The following RBPJ variants were observed in gnomAD, a reference collection of about 807,000 sequenced individuals.
RBPJ encodes the protein recombining binding protein suppressor of hairless.
Under a neutral mutation model 67.8 loss-of-function variants are expected in RBPJ, and 9 were observed. The observed-to-expected ratio is 0.13, with a 90% CI of 0.08 to 0.23. The LOEUF is 0.23. RBPJ is among the 10% of genes least tolerant of loss of function. The pLI is 1.00. For synonymous variants in RBPJ, 198 were observed against 203.3 expected (o/e 0.97, Z 0.22); for missense variants, 305 against 595.6 (o/e 0.51, Z 5.08).
chr4:26,387,004 A>ATATATG (rs1730983000), intron 2 of RBPJ, among the ~76,000 whole-genome samples: 1 of 152,084 alleles, frequency 6.6e-6, no homozygotes, highest in Admixed American at 6.5e-5. Context: ...AGATATATAT[A>ATATATG]TATATGTATA....
chr4:26,374,507 G>C (rs894751642), intron 1 of RBPJ, among the ~76,000 whole-genome samples: 1 of 148,282 alleles, frequency 6.7e-6, no homozygotes. Flanking sequence ...ATGGAATCTC[G>C]CTCTGTCACC....
At chr4:26,330,666 T>C (rs771354638) in intron 1 of RBPJ, among the ~76,000 whole-genome samples, 12 of 152,218 alleles carry the variant, frequency 7.9e-5, no homozygotes, top group Non-Finnish European at 1.6e-4. Flanking sequence ...CATCTCTCAA[T>C]GTGCTTAAAG....
upstream of RBPJ, among the ~76,000 whole-genome samples, chr4:26,320,360 G>A (rs1275275843): frequency 6.6e-6 from 1 of 152,162 alleles, no homozygotes; most frequent in South Asian, 2.1e-4. Context: ...TTCCGCTTGA[G>A]GAGCTCTGGA....
intron 4 of RBPJ, among the ~76,000 whole-genome samples, chr4:26,417,286 G>A (rs528401061): frequency 6.6e-6 from 1 of 152,330 alleles, no homozygotes; most frequent in Non-Finnish European, 1.5e-5. Context: ...CCAACCAGTA[G>A]TATCACTGCT....
intron 1 of RBPJ, among the ~76,000 whole-genome samples, chr4:26,244,336 T>C (rs1719816307): frequency 2.0e-5 from 3 of 151,812 alleles, no homozygotes; most frequent in Non-Finnish European, 2.9e-5. Context: ...CACATATGTG[T>C]ACACATATGT....
the RBPJ span, among the ~76,000 whole-genome samples, chr4:26,156,629 AT>A: frequency 5.5e-5 from 4 of 72,958 alleles, no homozygotes; most frequent in African/African-American, 1.2e-4. Flanking sequence ...CAATTTTTGT[AT>A]TTTTAGTAGA....
upstream of RBPJ, among the ~76,000 whole-genome samples, chr4:26,314,714 T>C (rs1274003790): frequency 6.6e-6 from 1 of 152,148 alleles, no homozygotes; most frequent in Non-Finnish European, 1.5e-5. Context: ...ATGCTTCCTG[T>C]ACAGTCTGCG....
intron 1 of RBPJ, among the ~76,000 whole-genome samples, chr4:26,370,091 G>T (rs900580094): frequency 9.2e-5 from 14 of 152,208 alleles, no homozygotes; most frequent in African/African-American, 3.4e-4. Context: ...GTCCAAAAAG[G>T]AGAGAGCTGA....
chr4:26,259,488 T>C (rs527321159), intron 1 of RBPJ, among the ~76,000 whole-genome samples: 2 of 152,326 alleles, frequency 1.3e-5, no homozygotes, highest in East Asian at 3.9e-4. Context: ...TGATTGTGCT[T>C]TGTCTTCAGG....
chr4:26,304,802 T>C (rs921372971), intron 1 of RBPJ, among the ~76,000 whole-genome samples: 30 of 151,626 alleles, frequency 2.0e-4, no homozygotes, highest in Non-Finnish European at 4.3e-4. Context: ...TTTTTTTTTT[T>C]ACTTTCTTGA....
upstream of RBPJ, chr4:26,320,019 G>T (rs1270773606): frequency 1.2e-5 from 9 of 754,194 alleles, no homozygotes; most frequent in Non-Finnish European, 1.7e-5. Context: ...GTCCTCGGCT[G>T]TGCCAGGCCC....
intron 1 of RBPJ, among the ~76,000 whole-genome samples, chr4:26,259,972 A>G (rs994446531): frequency 1.3e-5 from 2 of 152,166 alleles, no homozygotes; most frequent in African/African-American, 4.8e-5. Flanking sequence ...TTCTTGCTTC[A>G]ATCTTAGCAG....
intron 1 of RBPJ, among the ~76,000 whole-genome samples, chr4:26,305,228 G>A (rs948877535): frequency 5.9e-5 from 9 of 152,148 alleles, no homozygotes; most frequent in African/African-American, 2.2e-4. Context: ...ACACAGTCTT[G>A]ATTACTGTAG....
intron 1 of RBPJ, among the ~76,000 whole-genome samples, chr4:26,204,384 G>A (rs1718095898): frequency 6.6e-6 from 1 of 152,162 alleles, no homozygotes; most frequent in African/African-American, 2.4e-5. Flanking sequence ...AGGACATACT[G>A]AGTCTGCTCA....
intron 2 of RBPJ, among the ~76,000 whole-genome samples, chr4:26,404,226 G>A (rs1012782633): frequency 4.0e-5 from 6 of 151,776 alleles, no homozygotes; most frequent in African/African-American, 1.5e-4. Context: ...TTTTTAATGG[G>A]GTTGTTTGTT....
At chr4:26,244,025 G>A (rs1335845970) in intron 1 of RBPJ, among the ~76,000 whole-genome samples, 1 of 151,872 alleles carries the variant, frequency 6.6e-6, no homozygotes, top group Admixed American at 6.6e-5. Context: ...AGCCCAGGAG[G>A]AGGAGGTTAC....
rs886749629 is a variant in RBPJ, at chr4:26,418,600, A to G, written c.322-1951A>G. On this transcript the variant is annotated intron_variant, in intron 4 of 10. Transcript: ENST00000355476. ...TCTTTTTTTCCGTTCTTGTTTGCCA[A>G]TATGTCTTATTTATGCTGGATTTCA... 9.2e-5 allele frequency among the ~76,000 whole-genome samples: 14 copies of G among 152,028 alleles called. No individual in the cohort carries two copies. In the East Asian group the frequency reaches 1.2e-3, roughly 13 times the overall value.
At chr4:26,270,355 G>GAAAGAAAGAAAGAAAGAA (rs1720839027) in intron 1 of RBPJ, among the ~76,000 whole-genome samples, 1 of 52,046 alleles carries the variant, frequency 1.9e-5, no homozygotes, top group African/African-American at 9.3e-5. Context: ...GAGAGAGCAA[G>GAAAGAAAGAAAGAAAGAA]AGAAAGAAAG....
At chr4:26,387,475 A>G (rs1731033005) in intron 2 of RBPJ, among the ~76,000 whole-genome samples, 1 of 152,202 alleles carries the variant, frequency 6.6e-6, no homozygotes, top group Non-Finnish European at 1.5e-5. Flanking sequence ...TTACAGATGC[A>G]TGTCGCCTAA....
Sources: gnomAD v4.1 joint callset for allele counts (sites outside exome capture counted in the v4.1 genomes callset) on GRCh38, gnomAD v4.1.1 for gene constraint, MANE v1.5 for transcripts, NCBI Gene and HGNC (gene_info 2026-07-23, HGNC 2026-07-21) for gene names.